Variants in ING1 observed in about 807,000 individuals in gnomAD.
ING1 encodes the protein inhibitor of growth protein 1.
A neutral mutation model predicts 23.1 loss-of-function variants in ING1; 4 were observed. That is an observed-to-expected ratio of 0.17 (90% CI 0.09 to 0.40). The LOEUF is 0.40. Among genes scored for constraint, ING1 ranks in the 10% least tolerant of loss-of-function variants. The probability of loss-of-function intolerance (pLI) is 1.00; values close to 1 mark genes in which losing one functional copy is unlikely to be tolerated. For missense variants in ING1, 256 were observed against 393.8 expected (o/e 0.65, Z 2.96); for synonymous variants, 179 against 166.4 (o/e 1.08, Z -0.58).
At chr13:110,714,428 A>C in intron 1 of ING1, 143 bp downstream of exon 1, 2 of 741,564 alleles carry the variant, frequency 2.7e-6, no homozygotes, top group Non-Finnish European at 3.7e-6. Flanking sequence ...GCAGGAACAA[A>C]AGGTCTGGAG....
chr13:110,715,448 C>T (rs763514110), intron 1 of ING1: 16 of 1,590,854 alleles, frequency 1.0e-5, no homozygotes, highest in South Asian at 2.2e-5. Flanking sequence ...GCTGTGATGT[C>T]CTTCGTGGAA....
At chr13:110,713,630 G>C, upstream of ING1, 1 of 984,716 alleles carries the variant, frequency 1.0e-6, no homozygotes, top group Non-Finnish European at 1.2e-6. Flanking sequence ...GTTGCCGGGG[G>C]AGGGGGCCGG....
upstream of ING1, chr13:110,712,805 A>T (rs997696102): frequency 1.3e-6 from 1 of 783,370 alleles, no homozygotes; most frequent in Non-Finnish European, 2.2e-6. Context: ...CCTCGGGCCT[A>T]TCCACCTCTT....
chr13:110,714,334 G>C (rs1438488809), intron 1 of ING1, 49 bp downstream of exon 1: 1 of 1,484,548 alleles, frequency 6.7e-7, no homozygotes, highest in Admixed American at 2.2e-5. Context: ...CTTCCCGGCG[G>C]GTCCGGGCGC....
intron 1 of ING1, chr13:110,715,866 A>G (rs1003203301): frequency 1.3e-6 from 2 of 1,595,346 alleles, no homozygotes; most frequent in African/African-American, 1.3e-5. Context: ...GATTTATAGC[A>G]GTAGCAGTGA....
At chr13:110,715,812 G>A in intron 1 of ING1, 2 of 1,582,724 alleles carry the variant, frequency 1.3e-6, no homozygotes, top group Non-Finnish European at 8.5e-7. Context: ...GGCGGGTGTC[G>A]CCCCGGCCCC....
chr13:110,715,707 G>C (rs1260524753), intron 1 of ING1: 1 of 1,592,664 alleles, frequency 6.3e-7, no homozygotes, highest in Non-Finnish European at 8.5e-7. Context: ...TCTCCTCCTG[G>C]CCTCCGCCCT....
Position 110,719,321 on chromosome 13 carries a change from G to A in ING1, c.229G>A (p.Ala77Thr). The A allele has an allele frequency of 6.2e-7, 1 of 1,609,090 alleles. No individual in the cohort carries two copies. The highest frequency in any genetic ancestry group is 8.5e-7 in the Non-Finnish European group (1 of 1,179,856). Residue 77 changes from alanine (A) to threonine (T), a missense_variant, in exon 2 of 2, where the codon GCG becomes ACG. Ala to Thr is a moderately conservative substitution (Grantham distance 58, BLOSUM62 0). This residue lies in a region of ING1 where 209 missense variants were observed against 273.8 expected (regional missense o/e 0.76). Coordinates refer to ENST00000333219, the MANE Select transcript of ING1 (RefSeq NM_198219.3). This position sits in a 1 kb window ranked among gnomAD's most constrained non-coding sequence, Gnocchi z 8.9. ...KRRMLHCVQR[A>T]LIRSQELGDE... ...GCGGATGCTGCACTGTGTGCAGCGCGCGCTGATCCGCAGCCAGGAGCTGGG... is the reference window on the plus strand; with the variant it reads ...GCGGATGCTGCACTGTGTGCAGCGCACGCTGATCCGCAGCCAGGAGCTGGG...
chr13:110,713,030 C>T (rs1470070197), upstream of ING1: 21 of 1,492,020 alleles, frequency 1.4e-5, no homozygotes, highest in Non-Finnish European at 1.9e-5. Context: ...CGAGAGGGTG[C>T]CAGTGCGCAT....
upstream of ING1, chr13:110,713,631 AGGG>A: frequency 2.0e-6 from 2 of 982,104 alleles, no homozygotes; most frequent in Non-Finnish European, 2.4e-6. Flanking sequence ...TTGCCGGGGG[AGGG>A]GGCCGGGGCG....
intron 1 of ING1, chr13:110,715,468 C>T (rs2064106159): frequency 6.2e-7 from 1 of 1,609,956 alleles, no homozygotes; most frequent in Admixed American, 1.7e-5. Flanking sequence ...ATGTCCTTAT[C>T]ATTCCCCTGC....
intron 1 of ING1, among the ~76,000 whole-genome samples, chr13:110,714,769 C>T (rs1338563136): frequency 6.6e-6 from 1 of 152,182 alleles, no homozygotes; most frequent in Non-Finnish European, 1.5e-5. Flanking sequence ...TCTTCGTCGC[C>T]CCCCACTCAG....
rs1411625871 is a variant in ING1 at position 110,721,258 on chromosome 13, A to G, written c.*1326A>G. ...GATTTGCCCACATATTGAAAGGGTC[A>G]GTGGAGTTTTCATTTATTATTTTTT... On this transcript the variant is annotated 3_prime_UTR_variant, in exon 2 of 2. Transcript: ENST00000333219. 3 of 152,948 alleles carry G rather than the reference A, an allele frequency of 2.0e-5. No homozygotes were observed. Among genetic ancestry groups the G allele is most frequent in the Non-Finnish European group, 4.4e-5 (3 of 68,042 alleles). The allele number at this position is 152,948 out of a possible 1,614,324, so 9.5% of individuals were successfully genotyped here.
chr13:110,713,749 C>T lies in ING1; in HGVS notation c.-401C>T. ...GGCTCGGCGGCCAGCGGAGCGCGCC[C>T]CTTCCCGCTGCCCGCTCCGCTCCTC... On this transcript the variant is annotated 5_prime_UTR_variant, in exon 1 of 2. Coordinates refer to ENST00000333219, the MANE Select transcript of ING1 (RefSeq NM_198219.3). 2 of 985,176 alleles carry T rather than the reference C, an allele frequency of 2.0e-6. No individual in the cohort carries two copies. Among genetic ancestry groups the T allele is most frequent in the South Asian group, 9.4e-5 (2 of 21,292 alleles). The allele number at this position is 985,176 out of a possible 1,614,324, so 61.0% of individuals were successfully genotyped here. A position where few individuals can be genotyped will look rare whatever the true frequency, so the allele number is the denominator to read the frequency against.
chr13:110,715,337 G>A (rs973044729), intron 1 of ING1: 18 of 1,452,240 alleles, frequency 1.2e-5, no homozygotes, highest in Non-Finnish European at 1.5e-5. Flanking sequence ...TGCCGGGAAG[G>A]CGCCCCTGCG....
upstream of ING1, chr13:110,712,806 T>G: frequency 1.3e-6 from 1 of 786,512 alleles, no homozygotes; most frequent in Non-Finnish European, 2.2e-6. Flanking sequence ...CTCGGGCCTA[T>G]CCACCTCTTC....
At position 110,719,587 on chromosome 13, in the gene ING1, C is replaced by T. The variant is rs2139976117; in HGVS notation, c.495C>T (p.Asn165=). The change falls in exon 2 of 2, where the codon AAC becomes AAT. Residue 165 remains asparagine, a synonymous_variant. Coordinates refer to ENST00000333219, the MANE Select transcript of ING1 (RefSeq NM_198219.3). The surrounding 1 kb of genome is among the most constrained non-coding windows in gnomAD (Gnocchi z 8.9). ...NNENRENASS[N]HDHDDGASGT... The stretch of plus-strand genomic sequence containing the variant: ...AGAACCGTGAGAACGCGTCCAGCAA[C>T]CACGACCACGACGACGGCGCCTCGG... The T allele has an allele frequency of 6.2e-7, 1 of 1,611,202 alleles. No individual in the cohort carries two copies.
At position 110,719,195 on chromosome 13, in the gene ING1, G is replaced by A. The variant is rs1429944339; in HGVS notation, c.137-34G>A. ...GCCGTGTGGGTTGTCCCGGTGTCCT[G>A]CTCGCGAGTGACGCCTGTCCTTCTT... On this transcript the variant is annotated intron_variant, in intron 1 of 1. Coordinates refer to ENST00000333219, the MANE Select transcript of ING1 (RefSeq NM_198219.3). This position sits in a 1 kb window ranked among gnomAD's most constrained non-coding sequence, Gnocchi z 8.9. 2 of 1,604,736 alleles carry A rather than the reference G, an allele frequency of 1.2e-6. No homozygotes were observed. Among genetic ancestry groups the A allele is most frequent in the Admixed American group, 1.7e-5 (1 of 59,480 alleles).
At chr13:110,712,841 T>C, upstream of ING1, 2 of 1,041,990 alleles carry the variant, frequency 1.9e-6, no homozygotes, top group Non-Finnish European at 2.9e-6. Context: ...AGGAAGCAGC[T>C]TCCCTCTCAG....
Sources: allele counts gnomAD v4.1 joint callset (sites outside exome capture counted in the v4.1 genomes callset), GRCh38; gene constraint gnomAD v4.1.1; regional missense constraint gnomAD v4.1.1; non-coding constraint Gnocchi (gnomAD v3.1); transcripts MANE v1.5; gene names NCBI Gene and HGNC (gene_info 2026-07-23, HGNC 2026-07-21).